NHS: variants seen among roughly 807,000 people sequenced by gnomAD.
The protein encoded by NHS is actin remodeling regulator NHS.
A neutral mutation model predicts 72.5 loss-of-function variants in NHS; 5 were observed. The observed-to-expected ratio is 0.07, with a 90% CI of 0.04 to 0.14. The LOEUF is 0.14. Ranked by LOEUF, NHS falls within the 10% of genes least tolerant of loss-of-function variation. The probability of loss-of-function intolerance (pLI) is 1.00; values close to 1 mark genes in which losing one functional copy is unlikely to be tolerated. For missense variants in NHS, 1,072 were observed against 1,355.7 expected (o/e 0.79, Z 3.29); for synonymous variants, 464 against 547.7 (o/e 0.85, Z 2.13).
Position 17,726,270 on chromosome X carries a change from G to A in NHS, c.2164G>A (p.Glu722Lys), listed in dbSNP as rs745973120. The A allele has an allele frequency of 1.7e-6, 2 of 1,212,030 alleles. No homozygotes were observed. The highest frequency in any genetic ancestry group is 2.2e-6 in the Non-Finnish European group (2 of 895,605). Residue 722 changes from glutamate to lysine, a missense_variant, in exon 7 of 9, where the codon GAG becomes AAG. Coordinates refer to ENST00000676302, the MANE Select transcript of NHS (RefSeq NM_001291867.2). ...CAACAACAGCAACACAAGTGACAGT[G>A]AGTGGAATTACCTACACCACCACCA... ...DPNNSNTSDSEWNYLHHHHDA... is the reference protein window; with the variant it reads ...DPNNSNTSDSKWNYLHHHHDA...
At chrX:17,516,934 T>G (rs1201808456) in intron 1 of NHS, among the ~76,000 whole-genome samples, 2 of 112,330 alleles carry the variant, frequency 1.8e-5, no homozygotes, top group African/African-American at 6.5e-5. Flanking sequence ...ATGAAAGACA[T>G]CAGCTCAACT....
At chrX:17,440,251 T>C (rs963381155) in intron 1 of NHS, among the ~76,000 whole-genome samples, 1 of 67,794 alleles carries the variant, frequency 1.5e-5, no homozygotes, top group Non-Finnish European at 2.5e-5. Flanking sequence ...CAAGCAAGAC[T>C]CAGTCTTAAA....
chrX:17,514,746 A>G (rs942177571), intron 1 of NHS, among the ~76,000 whole-genome samples: 2 of 112,130 alleles, frequency 1.8e-5, no homozygotes, highest in African/African-American at 3.2e-5. Context: ...CCCCCAGGAC[A>G]TGTAAATGGT....
intron 1 of NHS, among the ~76,000 whole-genome samples, chrX:17,572,491 CTTTTTT>C (rs760577193): frequency 2.1e-5 from 1 of 46,766 alleles, no homozygotes; most frequent in Admixed American, 2.3e-4. Context: ...GCAACCCCTG[CTTTTTT>C]TTTTTTTTTT....
At chrX:17,400,998 A>G (rs997095750) in intron 1 of NHS, among the ~76,000 whole-genome samples, 1 of 112,441 alleles carries the variant, frequency 8.9e-6, no homozygotes, top group Admixed American at 9.4e-5. Context: ...TTATTACAAA[A>G]CTACAGTAAT....
intron 1 of NHS, among the ~76,000 whole-genome samples, chrX:17,639,015 G>GA (rs1304586197): frequency 2.7e-5 from 3 of 111,690 alleles, no homozygotes; most frequent in Non-Finnish European, 3.8e-5. Context: ...GGCAATCCAG[G>GA]AAAAAACTCA....
chrX:17,569,201 A>T (rs2146972148), intron 1 of NHS, among the ~76,000 whole-genome samples: 1 of 111,998 alleles, frequency 8.9e-6, no homozygotes, highest in South Asian at 3.7e-4. Flanking sequence ...TTGCTGGGTC[A>T]AATGGTATTT....
chrX:17,439,235 C>T (rs2064740130), intron 1 of NHS, among the ~76,000 whole-genome samples: 1 of 110,557 alleles, frequency 9.0e-6, no homozygotes, highest in African/African-American at 3.3e-5. Flanking sequence ...AAGGAAGAAG[C>T]AAAATTGTCC....
intron 1 of NHS, among the ~76,000 whole-genome samples, chrX:17,593,263 C>A (rs61195859): frequency 1.8e-5 from 2 of 110,242 alleles, no homozygotes; most frequent in East Asian, 2.9e-4. Context: ...GAGTTGCTGC[C>A]ACCATGAGAA....
At chrX:17,561,574 G>A (rs4825347) in intron 1 of NHS, among the ~76,000 whole-genome samples, 7,984 of 65,218 alleles carry the variant, frequency 0.12, 1,730 homozygotes, top group African/African-American at 0.51. Flanking sequence ...GCGCGCGCGC[G>A]CACACACACA....
chrX:17,517,315 A>G (rs2065126623), intron 1 of NHS, among the ~76,000 whole-genome samples: 1 of 112,055 alleles, frequency 8.9e-6, no homozygotes, highest in Non-Finnish European at 1.9e-5. Flanking sequence ...AGAGTCACTG[A>G]GGAGTTTGTT....
chrX:17,557,981 A>G, intron 1 of NHS, among the ~76,000 whole-genome samples: 1 of 111,320 alleles, frequency 9.0e-6, no homozygotes, highest in Non-Finnish European at 1.9e-5. Context: ...TTTATAACCT[A>G]CTTACAAAAG....
In NHS at chrX:17,727,199, G is replaced by A. The variant is rs1157246576; in HGVS notation, c.3093G>A (p.Thr1031=). 1.1e-5 allele frequency: 13 copies of A among 1,209,116 alleles called. No homozygotes were observed. The highest frequency in any genetic ancestry group is 8.8e-5 in the African/African-American group (5 of 56,883). Residue 1031 remains threonine (T), a synonymous_variant, in exon 7 of 9, where the codon ACG becomes ACA. Coordinates refer to ENST00000676302, the MANE Select transcript of NHS (RefSeq NM_001291867.2). ...PSSGYSSQSE[T]PTSSFPTAFF... is the part of the protein sequence containing the mutation. Reference sequence around the variant, plus strand: ...GTGGCTATTCAAGCCAGTCTGAAACGCCAACATCCTCTTTCCCTACAGCTT... The same window carrying A: ...GTGGCTATTCAAGCCAGTCTGAAACACCAACATCCTCTTTCCCTACAGCTT...
In NHS at chrX:17,591,428, C is replaced by T. The variant is rs1246028204; in HGVS notation, c.566-96314C>T. On this transcript the variant is annotated intron_variant, in intron 1 of 8. Transcript: ENST00000676302. Reference sequence around the variant, plus strand: ...TACTAGCCGAGATCAGAAGCCGATGCATACTTGCAGATTACATTTTAAGCC... The same window carrying T: ...TACTAGCCGAGATCAGAAGCCGATGTATACTTGCAGATTACATTTTAAGCC... 2.7e-5 allele frequency among the ~76,000 whole-genome samples: 3 copies of T among 111,820 alleles called. No homozygotes were observed. In the Admixed American group the frequency reaches 2.8e-4, roughly 11 times the overall value.
chrX:17,564,141 G>A (rs2065429616), intron 1 of NHS, among the ~76,000 whole-genome samples: 2 of 111,891 alleles, frequency 1.8e-5, no homozygotes, highest in Non-Finnish European at 1.9e-5. Context: ...AGACAGACCC[G>A]AAACAGCAAT....
intron 1 of NHS, among the ~76,000 whole-genome samples, chrX:17,551,371 A>G (rs1377024152): frequency 8.9e-6 from 1 of 111,758 alleles, no homozygotes; most frequent in Non-Finnish European, 1.9e-5. Flanking sequence ...TGGTGCTTCA[A>G]CTGAGGTGCA....
intron 1 of NHS, among the ~76,000 whole-genome samples, chrX:17,449,372 G>C (rs1250233814): frequency 8.9e-6 from 1 of 112,359 alleles, no homozygotes; most frequent in Non-Finnish European, 1.9e-5. Flanking sequence ...CCTATCTAAG[G>C]CTGCATTTCT....
chrX:17,595,150 A>G (rs1245779687), intron 1 of NHS, among the ~76,000 whole-genome samples: 2 of 111,917 alleles, frequency 1.8e-5, no homozygotes, highest in African/African-American at 6.5e-5. Context: ...GAAGTTCTGT[A>G]GGGATTTTGG....
At chrX:17,596,759 A>C (rs960425205) in intron 1 of NHS, among the ~76,000 whole-genome samples, 1 of 111,748 alleles carries the variant, frequency 8.9e-6, no homozygotes, top group Non-Finnish European at 1.9e-5. Flanking sequence ...TTTCTTGTTC[A>C]TGTCACATTC....
Sources: allele counts gnomAD v4.1 joint callset (sites outside exome capture counted in the v4.1 genomes callset), GRCh38; gene constraint gnomAD v4.1.1; transcripts MANE v1.5; gene names NCBI Gene and HGNC (gene_info 2026-07-23, HGNC 2026-07-21).